GAS2: variants seen among roughly 807,000 people sequenced by gnomAD.
The protein encoded by GAS2 is growth arrest specific 2.
A neutral mutation model predicts 37.5 loss-of-function variants in GAS2; 20 were observed. The ratio of observed to expected loss-of-function variants is 0.53; its 90% CI spans 0.37 to 0.77. The LOEUF (loss-of-function observed/expected upper bound fraction) is 0.77. Ranked by LOEUF, GAS2 falls within the 30% of genes least tolerant of loss-of-function variation. GAS2 has a pLI of 0.00. For missense variants in GAS2, 336 were observed against 373.4 expected (o/e 0.90, Z 0.82); for synonymous variants, 144 against 132.2 (o/e 1.09, Z -0.61).
At chr11:22,640,594 C>G (rs1459103718) in intron 1 of GAS2, among the ~76,000 whole-genome samples, 3 of 152,014 alleles carry the variant, frequency 2.0e-5, no homozygotes, top group Non-Finnish European at 1.5e-5. Flanking sequence ...TTGCAACTGA[C>G]CATTTCAAAC....
intron 2 of GAS2, among the ~76,000 whole-genome samples, chr11:22,682,409 AT>A (rs1849723718): frequency 2.0e-5 from 3 of 152,140 alleles, no homozygotes; most frequent in Admixed American, 2.0e-4. Flanking sequence ...ATAAGAATAC[AT>A]AAAGATCTAT....
upstream of GAS2, among the ~76,000 whole-genome samples, chr11:22,665,217 G>C (rs1590588139): frequency 6.6e-6 from 1 of 152,256 alleles, no homozygotes; most frequent in East Asian, 1.9e-4. Context: ...GAAATAGGAT[G>C]TAAGATTTTG....
In GAS2 at chr11:22,812,427, G is replaced by GTTTTTTTT. The variant is rs768042732; in HGVS notation, c.*411_*412insTTTTTTTT. The stretch of plus-strand genomic sequence containing the variant: ...ATTTTTATAATTGCAAGATTTTTAT[G>GTTTTTTTT]CTTTTTTTTTTTTTTTTTTACAAAA... On this transcript the variant is annotated 3_prime_UTR_variant, in exon 8 of 8. Transcript: ENST00000454584. The GTTTTTTTT allele has an allele frequency of 2.2e-5, 1 of 46,338 alleles. No individual in the cohort carries two copies. Among genetic ancestry groups the GTTTTTTTT allele is most frequent in the Non-Finnish European group, 4.3e-5 (1 of 23,476 alleles). The allele number at this position is 46,338 out of a possible 1,614,324, so 2.9% of individuals were successfully genotyped here. A position where few individuals can be genotyped will look rare whatever the true frequency, so the allele number is the denominator to read the frequency against.
intron 2 of GAS2, among the ~76,000 whole-genome samples, chr11:22,675,710 T>A (rs945657118): frequency 6.6e-6 from 1 of 152,118 alleles, no homozygotes; most frequent in Admixed American, 6.6e-5. Context: ...TCCACTAAGT[T>A]TTTTATAGAG....
At chr11:22,629,451 C>T (rs1338133687) in intron 1 of GAS2, among the ~76,000 whole-genome samples, 3 of 152,182 alleles carry the variant, frequency 2.0e-5, no homozygotes, top group Non-Finnish European at 2.9e-5. Context: ...CTTTTCACTA[C>T]ATCCATGCCA....
chr11:22,648,326 G>A (rs917517900), intron 1 of GAS2, among the ~76,000 whole-genome samples: 1 of 152,126 alleles, frequency 6.6e-6, no homozygotes, highest in African/African-American at 2.4e-5. Context: ...GGTTATTGTA[G>A]CCTTGTAGTA....
intron 1 of GAS2, among the ~76,000 whole-genome samples, chr11:22,661,323 T>C (rs1420933379): frequency 2.6e-5 from 4 of 152,210 alleles, no homozygotes; most frequent in African/African-American, 9.6e-5. Flanking sequence ...AGTGGTTTTA[T>C]GATTTATTTA....
intron 2 of GAS2, among the ~76,000 whole-genome samples, chr11:22,683,189 AT>A (rs1241249498): frequency 6.6e-6 from 1 of 152,122 alleles, no homozygotes; most frequent in East Asian, 1.9e-4. Flanking sequence ...TTTTAAGCAG[AT>A]GTTTCTTGAA....
chr11:22,708,094 G>A (rs1851212658), intron 3 of GAS2, among the ~76,000 whole-genome samples: 2 of 152,004 alleles, frequency 1.3e-5, no homozygotes, highest in Non-Finnish European at 1.5e-5. Flanking sequence ...ATGATTTACT[G>A]GGCACAAAAA....
At chr11:22,718,172 T>C (rs1851771832) in intron 3 of GAS2, among the ~76,000 whole-genome samples, 1 of 152,100 alleles carries the variant, frequency 6.6e-6, no homozygotes, top group African/African-American at 2.4e-5. Flanking sequence ...TACACACGCA[T>C]GTTTATAGCA....
Position 22,811,847 on chromosome 11 carries a change from C to T in GAS2, c.773C>T (p.Thr258Ile). The change falls in exon 8 of 8, where the codon ACT becomes ATT. Residue 258 changes from threonine to isoleucine, a missense_variant. Transcript: ENST00000454584. The stretch of plus-strand genomic sequence containing the variant: ...GTCCGTGTGGGAGGAGGCTGGGAAA[C>T]TTTTGCAGGGTATTTGTTGAAACAC... ...VMVRVGGGWE[T>I]FAGYLLKHDP... is the part of the protein sequence containing the mutation. 2 of 1,614,108 alleles carry T rather than the reference C, an allele frequency of 1.2e-6. No individual in the cohort carries two copies. The highest frequency in any genetic ancestry group is 3.3e-4 in the Middle Eastern group (2 of 6,058).
chr11:22,659,266 T>C (rs1037106852), intron 1 of GAS2, among the ~76,000 whole-genome samples: 2 of 152,236 alleles, frequency 1.3e-5, no homozygotes, highest in Non-Finnish European at 2.9e-5. Flanking sequence ...TGGTATGTTC[T>C]TATTCTGCAT....
chr11:22,671,138 C>T (rs1185402495), intron 1 of GAS2, among the ~76,000 whole-genome samples: 9 of 151,868 alleles, frequency 5.9e-5, no homozygotes, highest in African/African-American at 1.9e-4. Flanking sequence ...TTATTTTTTT[C>T]TTTTTCTCCT....
At chr11:22,665,392 A>G (rs1357883345), upstream of GAS2, among the ~76,000 whole-genome samples, 1 of 152,144 alleles carries the variant, frequency 6.6e-6, no homozygotes, top group Non-Finnish European at 1.5e-5. Context: ...TTGGGGCTCT[A>G]GGAATACTCA....
chr11:22,784,690 G>A (rs554595320), intron 7 of GAS2, among the ~76,000 whole-genome samples: 6 of 152,036 alleles, frequency 3.9e-5, no homozygotes, highest in Non-Finnish European at 7.4e-5. Context: ...TGACTATGTC[G>A]TTCCTCCAAT....
At chr11:22,627,080 A>G (rs1036267123) in intron 1 of GAS2, among the ~76,000 whole-genome samples, 2 of 152,156 alleles carry the variant, frequency 1.3e-5, no homozygotes, top group African/African-American at 4.8e-5. Context: ...GGCGTGTGCC[A>G]CCGCGCCCGG....
At position 22,659,171 on chromosome 11, in the gene GAS2, G is replaced by A. The variant is rs76709183; in HGVS notation, c.-20-15679G>A. Among the ~76,000 whole-genome samples the A allele has an allele frequency of 7.2e-3, 1,090 of 152,244 alleles. 11 individuals are homozygous for A. The highest frequency in any genetic ancestry group is 0.025 in the African/African-American group (1,028 of 41,534). ...TGTCCATGATGGTGTTTCCAGAGGC[G>A]ATTAATGTGTGAAACTAGGTGGTAT... On this transcript the variant is annotated intron_variant, in intron 1 of 5. Transcript: ENST00000528582.
chr11:22,781,932 C>A (rs551989066), intron 7 of GAS2, among the ~76,000 whole-genome samples: 16 of 152,068 alleles, frequency 1.1e-4, no homozygotes, highest in Non-Finnish European at 1.6e-4. Flanking sequence ...CACCAGATAC[C>A]ATGCTTTCGG....
chr11:22,658,629 A>C (rs143102426), intron 1 of GAS2, among the ~76,000 whole-genome samples: 29 of 152,336 alleles, frequency 1.9e-4, no homozygotes, highest in Non-Finnish European at 3.4e-4. Context: ...GTCATAATAA[A>C]ATCTAAATCA....
Sources: gnomAD v4.1 joint callset for allele counts (sites outside exome capture counted in the v4.1 genomes callset) on GRCh38, gnomAD v4.1.1 for gene constraint, MANE v1.5 for transcripts, NCBI Gene and HGNC (gene_info 2026-07-23, HGNC 2026-07-21) for gene names.